The following ARHGAP6 variants were observed in gnomAD, a reference collection of about 807,000 sequenced individuals.
ARHGAP6 encodes rho GTPase-activating protein 6.
In ARHGAP6, 16 loss-of-function variants were observed where a neutral mutation model predicts 55.7. The ratio of observed to expected loss-of-function variants is 0.29; its 90% CI spans 0.19 to 0.44. The LOEUF (loss-of-function observed/expected upper bound fraction) is 0.44, where lower values mean the gene tolerates loss of function less well. Among genes scored for constraint, ARHGAP6 ranks in the 20% least tolerant of loss-of-function variants. The pLI is 1.00. For synonymous variants in ARHGAP6, 382 were observed against 360.9 expected, an observed-to-expected ratio of 1.06 and a Z score of -0.66; for missense variants, 698 against 808.9, an observed-to-expected ratio of 0.86 and a Z score of 1.66.
At chrX:11,358,155 C>G (rs1820888413) in intron 1 of ARHGAP6, among the ~76,000 whole-genome samples, 1 of 112,100 alleles carries the variant, frequency 8.9e-6, no homozygotes, top group African/African-American at 3.2e-5. Context: ...CCTTTTGGGT[C>G]TGGATTCTTT....
At chrX:11,460,678 C>T (rs1241631935) in intron 1 of ARHGAP6, among the ~76,000 whole-genome samples, 1 of 111,887 alleles carries the variant, frequency 8.9e-6, no homozygotes, top group East Asian at 2.8e-4. Flanking sequence ...CACCGTACTT[C>T]CCTTGGTTGG....
intron 1 of ARHGAP6, among the ~76,000 whole-genome samples, chrX:11,526,391 A>G (rs1398540025): frequency 1.8e-5 from 2 of 112,059 alleles, no homozygotes; most frequent in Non-Finnish European, 3.8e-5. Context: ...AAAGCCATCA[A>G]GTCAAAAGTT....
At chrX:11,213,873 T>A (rs1277260956) in intron 2 of ARHGAP6, among the ~76,000 whole-genome samples, 1 of 112,112 alleles carries the variant, frequency 8.9e-6, no homozygotes, top group Non-Finnish European at 1.9e-5. Context: ...CTCGTAGCCC[T>A]TAAACTTATA....
chrX:11,291,388 C>T (rs767502016), intron 1 of ARHGAP6, among the ~76,000 whole-genome samples: 23 of 111,580 alleles, frequency 2.1e-4, no homozygotes, highest in African/African-American at 7.2e-4. Context: ...AGGCAGCATC[C>T]TGTTGATCAT....
intron 1 of ARHGAP6, among the ~76,000 whole-genome samples, chrX:11,577,515 A>G (rs1159613474): frequency 8.9e-6 from 1 of 111,912 alleles, no homozygotes; most frequent in Non-Finnish European, 1.9e-5. Flanking sequence ...ATGGCAGAGT[A>G]TGTTCCCATG....
intron 10 of ARHGAP6, among the ~76,000 whole-genome samples, chrX:11,153,569 G>C (rs1194460117): frequency 9.4e-6 from 1 of 106,071 alleles, no homozygotes; most frequent in Non-Finnish European, 1.9e-5. Context: ...AGCTAGAGGG[G>C]TAGCACTCTG....
intron 1 of ARHGAP6, among the ~76,000 whole-genome samples, chrX:11,461,324 T>A (rs1324594699): frequency 8.9e-6 from 1 of 111,970 alleles, no homozygotes; most frequent in Admixed American, 9.5e-5. Context: ...GTGACAGTTG[T>A]GTGGTGACTA....
chrX:11,348,108 AG>A (rs1449081045), intron 1 of ARHGAP6, among the ~76,000 whole-genome samples: 1 of 112,237 alleles, frequency 8.9e-6, no homozygotes, highest in Non-Finnish European at 1.9e-5. Flanking sequence ...TTTCTCTAGG[AG>A]ATAGTCAGTA....
At chrX:11,424,044 T>C (rs2049853816) in intron 1 of ARHGAP6, among the ~76,000 whole-genome samples, 1 of 112,873 alleles carries the variant, frequency 8.9e-6, no homozygotes, top group African/African-American at 3.2e-5. Flanking sequence ...TATTTGGCCA[T>C]GCAATTTGAC....
intron 1 of ARHGAP6, chrX:11,298,676 G>A: frequency 8.3e-7 from 1 of 1,210,885 alleles, no homozygotes; most frequent in Non-Finnish European, 1.1e-6. Flanking sequence ...TGCCAGCTCA[G>A]CAGCCCGTGA....
chrX:11,405,731 C>T (rs1406855609), intron 1 of ARHGAP6, among the ~76,000 whole-genome samples: 1 of 111,657 alleles, frequency 9.0e-6, no homozygotes, highest in East Asian at 2.8e-4. Flanking sequence ...TATTTCTCCT[C>T]GGGAAGATGT....
Position 11,157,474 on chromosome X carries a change from A to G in ARHGAP6, c.1810-848T>C, listed in dbSNP as rs190619138. 2.0e-3 allele frequency among the ~76,000 whole-genome samples: 221 copies of G among 112,157 alleles called. 1 individual carries two copies. The highest frequency in any genetic ancestry group is 3.3e-3 in the Non-Finnish European group (178 of 53,217). ...TCATATATTTCTCTAAGCCTAATCC[A>G]TCCACAGTACATTAGAAGATGGCCT... On this transcript the variant is annotated intron_variant, in intron 9 of 12. Transcript: ENST00000337414.
intron 3 of ARHGAP6, 116 bp from the exon 4 acceptor site, chrX:11,189,100 A>G (rs2046422610): frequency 3.4e-6 from 3 of 895,297 alleles, no homozygotes; most frequent in Non-Finnish European, 4.5e-6. Flanking sequence ...TTTCTGAAGA[A>G]TTGACTCATC....
At chrX:11,376,740 C>G (rs1313460562) in intron 1 of ARHGAP6, among the ~76,000 whole-genome samples, 2 of 112,191 alleles carry the variant, frequency 1.8e-5, no homozygotes, top group African/African-American at 6.5e-5. Flanking sequence ...TAAAATCATG[C>G]TTGGTTGTCA....
chrX:11,381,158 T>C (rs1169620236), intron 1 of ARHGAP6, among the ~76,000 whole-genome samples: 1 of 112,586 alleles, frequency 8.9e-6, no homozygotes, highest in Non-Finnish European at 1.9e-5. Context: ...AAAATCTTTC[T>C]ATGAGGCAAT....
intron 9 of ARHGAP6, among the ~76,000 whole-genome samples, chrX:11,157,975 A>G (rs778699702): frequency 8.9e-6 from 1 of 111,850 alleles, no homozygotes; most frequent in East Asian, 2.8e-4. Flanking sequence ...GGCCTACTAG[A>G]CTTCATCTCT....
chrX:11,620,290 T>C (rs893274320), intron 1 of ARHGAP6, among the ~76,000 whole-genome samples: 1 of 112,365 alleles, frequency 8.9e-6, no homozygotes, highest in Non-Finnish European at 1.9e-5. Context: ...AACAAACTTT[T>C]TTTGAAAAAC....
chrX:11,439,357 A>C (rs1257772929), intron 1 of ARHGAP6, among the ~76,000 whole-genome samples: 1 of 112,388 alleles, frequency 8.9e-6, no homozygotes, highest in Non-Finnish European at 1.9e-5. Flanking sequence ...TCTTCTTGGA[A>C]CATAGTCACA....
chrX:11,199,468 A>T (rs1319557067), intron 2 of ARHGAP6, among the ~76,000 whole-genome samples: 1 of 112,180 alleles, frequency 8.9e-6, no homozygotes, highest in Non-Finnish European at 1.9e-5. Flanking sequence ...TATGGTGCAC[A>T]TTAAAGTCTG....
Sources: allele counts gnomAD v4.1 joint callset (sites outside exome capture counted in the v4.1 genomes callset), GRCh38; gene constraint gnomAD v4.1.1; transcripts MANE v1.5; gene names NCBI Gene and HGNC (gene_info 2026-07-23, HGNC 2026-07-21).